DARS2: variants seen among roughly 807,000 people sequenced by gnomAD.
DARS2 encodes the protein aspartyl-tRNA synthetase 2, mitochondrial.
Under a neutral mutation model 83.0 loss-of-function variants are expected in DARS2, and 63 were observed. The observed-to-expected ratio is 0.76, with a 90% CI of 0.62 to 0.94. The LOEUF (loss-of-function observed/expected upper bound fraction) is 0.94, where lower values mean the gene tolerates loss of function less well. Among genes scored for constraint, DARS2 ranks in the 40% least tolerant of loss-of-function variants. DARS2 has a pLI of 0.00. For synonymous variants in DARS2, 250 were observed against 269.3 expected, an observed-to-expected ratio of 0.93 and a Z score of 0.70; for missense variants, 675 against 774.4, an observed-to-expected ratio of 0.87 and a Z score of 1.52.
At chr1:173,850,604 T>C in intron 13 of DARS2, 125 bp downstream of exon 13, 1 of 851,502 alleles carries the variant, frequency 1.2e-6, no homozygotes, top group Non-Finnish European at 1.7e-6. Context: ...TCTGCATAAA[T>C]CTTTTTTTTT....
chr1:173,830,698 T>G lies in DARS2; in HGVS notation c.333T>G (p.Pro111=), dbSNP rs1419701939. ...TGAAGAAGATTTTATGTGAAGCCCC[T>G]GTGGAATCTGTGGTGCAAGTGTCTG... ...ASVKKILCEA[P]VESVVQVSGT... Residue 111 remains proline (P), a synonymous_variant, in exon 4 of 17, where the codon CCT becomes CCG. Transcript: ENST00000649689. The G allele has an allele frequency of 6.2e-7, 1 of 1,614,050 alleles. No individual in the cohort carries two copies. The highest frequency in any genetic ancestry group is 1.3e-5 in the African/African-American group (1 of 75,064).
At chr1:173,841,275 G>A (rs1023852181) in intron 11 of DARS2, among the ~76,000 whole-genome samples, 2 of 151,988 alleles carry the variant, frequency 1.3e-5, no homozygotes, top group African/African-American at 4.8e-5. Flanking sequence ...TACTTGGGAG[G>A]CTGGGGCAGG....
At chr1:173,849,531 C>CAAAAAA (rs574319538) in intron 12 of DARS2, among the ~76,000 whole-genome samples, 1 of 73,922 alleles carries the variant, frequency 1.4e-5, no homozygotes, top group African/African-American at 4.1e-5. Flanking sequence ...GACTCCATCT[C>CAAAAAA]AAAAAAAAAA....
In DARS2 at chr1:173,842,588, C is replaced by T. The variant is rs920560503; in HGVS notation, c.1128+1615C>T. On this transcript the variant is annotated intron_variant, in intron 11 of 16. Transcript: ENST00000649689. Reference sequence around the variant, plus strand: ...AAAGTGCTGGGATTACAGGCGTAAGCCACCATGCCTGGCCCCTCATTACTT... The same window carrying T: ...AAAGTGCTGGGATTACAGGCGTAAGTCACCATGCCTGGCCCCTCATTACTT... 2.0e-5 allele frequency among the ~76,000 whole-genome samples: 3 copies of T among 150,066 alleles called. No homozygotes were observed. The East Asian group carries it at 6.0e-4, about 30-fold the overall frequency.
intron 1 of DARS2, among the ~76,000 whole-genome samples, chr1:173,825,652 G>C (rs1332018485): frequency 6.6e-6 from 1 of 151,020 alleles, no homozygotes; most frequent in Admixed American, 6.6e-5. Context: ...TGTATTTTTG[G>C]TAGAGCCGGG....
In DARS2 at chr1:173,839,435, T is replaced by C. The variant is rs1653126091; in HGVS notation, c.909T>C (p.Tyr303=). 6.2e-7 allele frequency: 1 copy of C among 1,614,206 alleles called. No individual in the cohort carries two copies. Among genetic ancestry groups the C allele is most frequent in the African/African-American group, 1.3e-5 (1 of 75,064 alleles). The part of the protein sequence containing the change: ...IQSLIEGLLQ[Y]SWPNDKDPVV... The stretch of plus-strand genomic sequence containing the variant: ...GTTTAATTGAGGGTTTGCTCCAGTA[T>C]TCCTGGCCCAATGACAAAGATCCTG... The change falls in exon 10 of 17, where the codon TAT becomes TAC. Residue 303 remains tyrosine (Y), a synonymous_variant. Coordinates refer to ENST00000649689, the MANE Select transcript of DARS2 (RefSeq NM_018122.5).
Position 173,845,266 on chromosome 1 carries a change from A to T in DARS2, c.1166A>T (p.Asn389Ile). 6.2e-7 allele frequency: 1 copy of T among 1,611,534 alleles called. No homozygotes were observed. The highest frequency in any genetic ancestry group is 1.1e-5 in the South Asian group (1 of 91,008). Reference sequence around the variant, plus strand: ...AGGAAAGACATTGAATCCATTAGAAACTTTGCAGCTGACCATTTTAATCAG... The same window carrying T: ...AGGAAAGACATTGAATCCATTAGAATCTTTGCAGCTGACCATTTTAATCAG... Reference protein sequence around the residue: ...LKRKDIESIRNFAADHFNQEI... With the variant: ...LKRKDIESIRIFAADHFNQEI... Residue 389 changes from asparagine to isoleucine, a missense_variant, in exon 12 of 17, where the codon AAC becomes ATC. By Grantham distance (149) the Asn-to-Ile change is moderately radical. Transcript: ENST00000649689.
intron 12 of DARS2, among the ~76,000 whole-genome samples, chr1:173,847,676 A>T (rs1653486323): frequency 6.6e-6 from 1 of 152,032 alleles, no homozygotes; most frequent in African/African-American, 2.4e-5. Flanking sequence ...CATCCATCCT[A>T]GTATTCTGCC....
At chr1:173,827,013 T>C (rs752373626) in intron 2 of DARS2, among the ~76,000 whole-genome samples, 20 of 152,184 alleles carry the variant, frequency 1.3e-4, no homozygotes, top group Non-Finnish European at 2.8e-4. Flanking sequence ...TACATCTCAG[T>C]AACATCTGTT....
intron 12 of DARS2, among the ~76,000 whole-genome samples, chr1:173,848,784 TGAA>T (rs1296762006): frequency 6.6e-6 from 1 of 152,238 alleles, no homozygotes; most frequent in Non-Finnish European, 1.5e-5. Context: ...GTTACACACT[TGAA>T]GAGCCCTTTC....
In DARS2 at chr1:173,833,411, A is replaced by G; in HGVS notation, c.528A>G (p.Leu176=). ...TEALRLQYRY[L]DLRSFQMQYN... Reference sequence around the variant, plus strand: ...CTCTTCGGTTGCAGTATCGCTACTTAGACTTGCGTAGTTTCCAAATGCAGT... The same window carrying G: ...CTCTTCGGTTGCAGTATCGCTACTTGGACTTGCGTAGTTTCCAAATGCAGT... The change falls in exon 6 of 17, where the codon TTA becomes TTG. Residue 176 remains leucine (L), a synonymous_variant. Transcript: ENST00000649689. 6.2e-7 allele frequency: 1 copy of G among 1,612,934 alleles called. No individual in the cohort carries two copies. Among genetic ancestry groups the G allele is most frequent in the Non-Finnish European group, 8.5e-7 (1 of 1,179,354 alleles).
At position 173,826,667 on chromosome 1, in the gene DARS2, T is replaced by C. The variant is rs756783286; in HGVS notation, c.128-20T>C. The C allele has an allele frequency of 4.9e-5, 55 of 1,127,726 alleles. No homozygotes were observed. Among genetic ancestry groups the C allele is most frequent in the African/African-American group, 4.9e-4 (30 of 61,800 alleles). 69.9% of individuals were successfully genotyped at this position (1,127,726 alleles called of 1,614,324 possible). ...TTTAATCTTGCCTTTTAAAGTTTCT[T>C]TTTTTTTTTTTTTTTAAAGAATTCA... is the stretch of plus-strand genomic sequence containing the variant. On this transcript the variant is annotated intron_variant, in intron 1 of 16. Coordinates refer to ENST00000649689, the MANE Select transcript of DARS2 (RefSeq NM_018122.5).
rs375732273 is a variant in DARS2, at chr1:173,858,366, A to G, written c.*661A>G. On this transcript the variant is annotated 3_prime_UTR_variant, in exon 17 of 17. Transcript: ENST00000649689. Reference sequence around the variant, plus strand: ...ACCTCACCGGGCTGTTATTGCTGGAATCAGAGGAGATAACATATATGGAAG... The same window carrying G: ...ACCTCACCGGGCTGTTATTGCTGGAGTCAGAGGAGATAACATATATGGAAG... 2.0e-5 allele frequency: 3 copies of G among 153,774 alleles called. No individual in the cohort carries two copies. In the East Asian group the frequency reaches 5.8e-4, roughly 29 times the overall value. The allele number at this position is 153,774 out of a possible 1,614,324, so 9.5% of individuals were successfully genotyped here.
intron 7 of DARS2, among the ~76,000 whole-genome samples, chr1:173,834,743 T>TGTTG: frequency 7.6e-6 from 1 of 132,254 alleles, no homozygotes; most frequent in African/African-American, 3.3e-5. Context: ...TTTTTTTTTT[T>TGTTG]TTTTTTTTTT....
At position 173,831,520 on chromosome 1, in the gene DARS2, T is replaced by G. The variant is rs1338212897; in HGVS notation, c.397-15T>G. 2.5e-6 allele frequency: 4 copies of G among 1,594,644 alleles called. No homozygotes were observed. Among genetic ancestry groups the G allele is most frequent in the Non-Finnish European group, 3.4e-6 (4 of 1,162,272 alleles). On this transcript the variant is annotated splice_polypyrimidine_tract_variant and intron_variant, in intron 4 of 16. Transcript: ENST00000649689. Reference sequence around the variant, plus strand: ...GATGAGTAATTTTTAAAACCCTTCCTTCTCACTCTCCAAGAAAATGCCAAC... The same window carrying G: ...GATGAGTAATTTTTAAAACCCTTCCGTCTCACTCTCCAAGAAAATGCCAAC...
chr1:173,835,109 T>A (rs373047471), intron 7 of DARS2, among the ~76,000 whole-genome samples: 1 of 151,540 alleles, frequency 6.6e-6, no homozygotes, highest in East Asian at 1.9e-4. Flanking sequence ...ATGTAATCAT[T>A]AATAAATTGG....
At chr1:173,826,347 TA>T (rs1402592530) in intron 1 of DARS2, among the ~76,000 whole-genome samples, 1 of 152,218 alleles carries the variant, frequency 6.6e-6, no homozygotes, top group East Asian at 1.9e-4. Context: ...CTGCAGTTTC[TA>T]AAATCCTATT....
chr1:173,826,526 T>C (rs1652575276), intron 1 of DARS2, among the ~76,000 whole-genome samples, 161 bp from the exon 2 acceptor site: 1 of 152,204 alleles, frequency 6.6e-6, no homozygotes, highest in Non-Finnish European at 1.5e-5. Context: ...TAATAGTGAA[T>C]GAATTAAATT....
intron 12 of DARS2, among the ~76,000 whole-genome samples, chr1:173,846,863 T>G (rs1428716767): frequency 6.6e-6 from 1 of 152,120 alleles, no homozygotes; most frequent in Non-Finnish European, 1.5e-5. Flanking sequence ...AGTAATTAAA[T>G]TATGCTATAA....
Sources: allele counts gnomAD v4.1 joint callset (sites outside exome capture counted in the v4.1 genomes callset), GRCh38; gene constraint gnomAD v4.1.1; transcripts MANE v1.5; gene names NCBI Gene and HGNC (gene_info 2026-07-23, HGNC 2026-07-21).